ANKMY1: variants seen among roughly 807,000 people sequenced by gnomAD.
ANKMY1 encodes ankyrin repeat and MYND domain containing 1.
In ANKMY1, 98 loss-of-function variants were observed where a neutral mutation model predicts 102.0. The observed-to-expected ratio is 0.96, with a 90% CI of 0.82 to 1.14. The LOEUF is 1.14. Ranked by LOEUF, ANKMY1 falls within the 50% of genes most tolerant of loss-of-function variation. The pLI, the probability that ANKMY1 is intolerant of heterozygous loss-of-function variation, is 0.00. For missense variants in ANKMY1, 1,330 were observed against 1,347.6 expected (o/e 0.99, Z 0.20); for synonymous variants, 582 against 559.9 (o/e 1.04, Z -0.56).
chr2:240,481,054 C>G lies in ANKMY1; in HGVS notation c.2929G>C (p.Gly977Arg), dbSNP rs1221448790. 6.2e-7 allele frequency: 1 copy of G among 1,612,914 alleles called. No individual in the cohort carries two copies. The highest frequency in any genetic ancestry group is 1.3e-5 in the African/African-American group (1 of 74,816). Reference protein sequence around the residue: ...KFCYQCGRSIGVRLLPCPRCY... With the variant: ...KFCYQCGRSIRVRLLPCPRCY... ...CGAGGGCAGGGCAAGAGGCGGACCCCGATGGAGCGGCCACACTGGTAGCAG... is the reference window on the plus strand; with the variant it reads ...CGAGGGCAGGGCAAGAGGCGGACCCGGATGGAGCGGCCACACTGGTAGCAG... Residue 977 changes from glycine (G) to arginine (R), a missense_variant, in exon 17 of 18, where the codon GGG becomes CGG. Transcript: ENST00000401804.
In ANKMY1 at chr2:240,518,670, T is replaced by C. The variant is rs564580535; in HGVS notation, c.2004+1692A>G. 1.1e-4 allele frequency among the ~76,000 whole-genome samples: 17 copies of C among 152,332 alleles called. 1 individual carries two copies. The East Asian group carries it at 1.2e-3, about 10-fold the overall frequency. Reference sequence around the variant, plus strand: ...AAACTTTCTATTTGAAAGATAAATGTGTAAATAATACATTCCTGATCAGCT... The same window carrying C: ...AAACTTTCTATTTGAAAGATAAATGCGTAAATAATACATTCCTGATCAGCT... On this transcript the variant is annotated intron_variant, in intron 9 of 17. Transcript: ENST00000401804.
chr2:240,548,762 C>T (rs1009270349), intron 4 of ANKMY1, among the ~76,000 whole-genome samples: 1 of 149,172 alleles, frequency 6.7e-6, no homozygotes, highest in Non-Finnish European at 1.5e-5. Context: ...CTCCCATTCA[C>T]AATTGCTTCA....
At chr2:240,553,277 TCTC>T (rs2091850197) in intron 3 of ANKMY1, 2 of 579,070 alleles carry the variant, frequency 3.5e-6, no homozygotes, top group South Asian at 2.0e-5. Flanking sequence ...CTCTCTGTCT[TCTC>T]CTCAGGTGGG....
chr2:240,542,696 ATACATGTC>A (rs2089249319), intron 4 of ANKMY1, among the ~76,000 whole-genome samples: 2 of 145,170 alleles, frequency 1.4e-5, no homozygotes, highest in Middle Eastern at 3.6e-3. Context: ...GTGTGTGTGT[ATACATGTC>A]TAGATATGTT....
upstream of ANKMY1, chr2:240,560,511 T>TC (rs1369974537): frequency 7.8e-6 from 8 of 1,024,498 alleles, no homozygotes; most frequent in East Asian, 2.6e-4. Context: ...AAGCCCCCTG[T>TC]CCCGGCCCAG....
At chr2:240,525,473 CAGG>C (rs2083168575) in intron 7 of ANKMY1, among the ~76,000 whole-genome samples, 1 of 152,210 alleles carries the variant, frequency 6.6e-6, no homozygotes, top group Admixed American at 6.5e-5. Flanking sequence ...GGCTGCTATG[CAGG>C]AGATGAGTAA....
chr2:240,514,309 C>T (rs746520289), intron 9 of ANKMY1, among the ~76,000 whole-genome samples: 18 of 152,114 alleles, frequency 1.2e-4, no homozygotes, highest in Non-Finnish European at 2.4e-4. Flanking sequence ...AGGGAGAGCA[C>T]AATAGAGAGA....
At chr2:240,558,082 C>T, upstream of ANKMY1, 1 of 710,444 alleles carries the variant, frequency 1.4e-6, no homozygotes, top group South Asian at 6.3e-5. Context: ...CACCCGGCCC[C>T]GCCTCCGGGC....
chr2:240,473,704 G>A, the ANKMY1 span, among the ~76,000 whole-genome samples: 1 of 152,216 alleles, frequency 6.6e-6, no homozygotes, highest in South Asian at 2.1e-4. Context: ...TTGATGCAAG[G>A]TTCAACATAT....
the ANKMY1 span, among the ~76,000 whole-genome samples, chr2:240,471,859 C>G: frequency 6.6e-6 from 1 of 152,152 alleles, no homozygotes; most frequent in Non-Finnish European, 1.5e-5. Context: ...GCCTCATCCC[C>G]CTATGGACTC....
In ANKMY1 at chr2:240,520,673, GCACACACC is replaced by G. The variant is rs1559310244; in HGVS notation, c.1833-148_1833-141del. On this transcript the variant is annotated intron_variant, in intron 8 of 17. Coordinates refer to ENST00000401804, the MANE Select transcript of ANKMY1 (RefSeq NM_001282771.3). This position sits in a 1 kb window ranked among gnomAD's most constrained non-coding sequence, Gnocchi z 4.8. The stretch of plus-strand genomic sequence containing the variant: ...CCGCAACTACACAATCACACACACA[GCACACACC>G]CACACACGCAGACACACCACACAGC... 4 of 1,067,160 alleles carry G rather than the reference GCACACACC, an allele frequency of 3.7e-6. No individual in the cohort carries two copies. The highest frequency in any genetic ancestry group is 1.7e-5 in the South Asian group (1 of 60,550). The allele number at this position is 1,067,160 out of a possible 1,614,324, so 66.1% of individuals were successfully genotyped here.
intron 4 of ANKMY1, among the ~76,000 whole-genome samples, chr2:240,538,230 G>C (rs763740994): frequency 2.0e-5 from 3 of 152,158 alleles, no homozygotes; most frequent in Non-Finnish European, 4.4e-5. Context: ...CCCCTCTCTG[G>C]GGCTGGCCGA....
At chr2:240,500,391 C>A in intron 14 of ANKMY1, 61 bp downstream of exon 14, 1 of 1,505,230 alleles carries the variant, frequency 6.6e-7, no homozygotes, top group Admixed American at 1.8e-5. Flanking sequence ...AATGCCCCAG[C>A]CGGGGGCCCT....
In ANKMY1 at chr2:240,524,112, T is replaced by G. The variant is rs1348949888; in HGVS notation, c.1605A>C (p.Glu535Asp). ...PLVKGSLGHV[E>D]SGLEDVLGNT... is the part of the protein sequence containing the mutation. The stretch of plus-strand genomic sequence containing the variant: ...TTCCCAACACGTCCTCAAGCCCGCT[T>G]TCCACATGGCCAAGGCTGCCCTTCA... Residue 535 changes from glutamate (E) to aspartate (D), a missense_variant, in exon 8 of 18, where the codon GAA (glutamate) becomes GAC (aspartate). Glu to Asp is a conservative substitution (Grantham distance 45). Transcript: ENST00000401804. 6.2e-6 allele frequency: 10 copies of G among 1,614,042 alleles called. No homozygotes were observed. In the Admixed American group the frequency reaches 1.5e-4, roughly 24 times the overall value.
At chr2:240,512,094 C>A (rs996545381) in intron 10 of ANKMY1, 93 bp from the exon 11 acceptor site, 14 of 1,400,688 alleles carry the variant, frequency 1.0e-5, no homozygotes, top group Admixed American at 3.3e-5. Context: ...CCCCAGCCTG[C>A]GGGTCTGGAG....
chr2:240,535,133 C>T (rs2086409735), intron 4 of ANKMY1, among the ~76,000 whole-genome samples: 1 of 152,168 alleles, frequency 6.6e-6, no homozygotes, highest in South Asian at 2.1e-4. Flanking sequence ...CATGACACAG[C>T]CCTCAGGAGG....
intron 4 of ANKMY1, among the ~76,000 whole-genome samples, chr2:240,538,292 G>A (rs1324430100): frequency 2.0e-5 from 3 of 152,130 alleles, no homozygotes; most frequent in Admixed American, 1.3e-4. Context: ...GAGAGGCGCA[G>A]GCGGGAAATG....
chr2:240,560,014 G>A (rs146875907), upstream of ANKMY1: 55 of 152,504 alleles, frequency 3.6e-4, no homozygotes, highest in African/African-American at 1.3e-3. Flanking sequence ...TTACAATGCT[G>A]ACCCCAATAA....
At chr2:240,507,409 C>T in intron 13 of ANKMY1, 151 bp downstream of exon 13, 1 of 798,614 alleles carries the variant, frequency 1.3e-6, no homozygotes, top group Non-Finnish European at 1.7e-6. Context: ...CCCTGCCACC[C>T]AGGGCCACCC....
Sources: gnomAD v4.1 joint callset for allele counts (sites outside exome capture counted in the v4.1 genomes callset) on GRCh38, gnomAD v4.1.1 for gene constraint, Gnocchi (gnomAD v3.1) non-coding constraint, MANE v1.5 for transcripts, NCBI Gene and HGNC (gene_info 2026-07-23, HGNC 2026-07-21) for gene names.